Variants in CYLC1 observed in about 807,000 individuals in gnomAD.
CYLC1 encodes cylicin 1, also known as cylicin-1.
A neutral mutation model predicts 31.6 loss-of-function variants in CYLC1; 2 were observed. That is an observed-to-expected ratio of 0.06 (90% CI 0.03 to 0.20). CYLC1 has a LOEUF of 0.20. CYLC1 is among the 10% of genes least tolerant of loss of function. The pLI is 1.00. For synonymous variants in CYLC1, 185 were observed against 153.0 expected, an observed-to-expected ratio of 1.21 and a Z score of -1.54; for missense variants, 595 against 424.1, an observed-to-expected ratio of 1.40 and a Z score of -3.54.
rs1428588429 is a variant in CYLC1, at chrX:83,873,941, T to C, written c.1233T>C (p.Ser411=). 1 of 1,181,872 alleles carries C rather than the reference T, an allele frequency of 8.5e-7. No individual in the cohort carries two copies. The highest frequency in any genetic ancestry group is 1.1e-6 in the Non-Finnish European group (1 of 877,533). Reference sequence around the variant, plus strand: ...TTACATTCTCTACTGATTCTGAATCTGAACTGGAGTCAAAGGAGAGTCAGA... The same window carrying C: ...TTACATTCTCTACTGATTCTGAATCCGAACTGGAGTCAAAGGAGAGTCAGA... ...KKITFSTDSE[S]ELESKESQKD... The change falls in exon 4 of 5, where the codon TCT becomes TCC. Residue 411 remains serine (S), a synonymous_variant. Transcript: ENST00000329312.
chrX:83,864,589 A>G (rs948406032), intron 1 of CYLC1: 2 of 211,128 alleles, frequency 9.5e-6, no homozygotes, highest in African/African-American at 6.2e-5. Flanking sequence ...TTGAATGCAT[A>G]TATATGGTGG....
chrX:83,862,491 A>C (rs753144304), intron 1 of CYLC1, among the ~76,000 whole-genome samples: 4 of 111,225 alleles, frequency 3.6e-5, no homozygotes, highest in South Asian at 3.8e-4. Flanking sequence ...TGCAGTGAGC[A>C]GAGATCGCGC....
At chrX:83,871,955 C>A (rs2031671933) in intron 3 of CYLC1, among the ~76,000 whole-genome samples, 1 of 111,257 alleles carries the variant, frequency 9.0e-6, no homozygotes, top group Non-Finnish European at 1.9e-5. Context: ...AAGTTTTCTA[C>A]TGTTTCTCTA....
At chrX:83,865,134 C>T (rs1363242217) in intron 1 of CYLC1, among the ~76,000 whole-genome samples, 2 of 111,252 alleles carry the variant, frequency 1.8e-5, no homozygotes, top group Non-Finnish European at 3.8e-5. Flanking sequence ...ATAGATATCT[C>T]AAACTTAATA....
intron 2 of CYLC1, among the ~76,000 whole-genome samples, chrX:83,870,260 T>C (rs767410683): frequency 5.4e-5 from 6 of 111,662 alleles, no homozygotes; most frequent in Admixed American, 1.9e-4. Context: ...AAACAGTTAA[T>C]GAACAGCCCA....
In CYLC1 at chrX:83,873,066, G is replaced by C; in HGVS notation, c.358G>C (p.Asp120His). 1 of 1,196,697 alleles carries C rather than the reference G, an allele frequency of 8.4e-7. No homozygotes were observed. The highest frequency in any genetic ancestry group is 1.1e-6 in the Non-Finnish European group (1 of 890,206). ...AAAAGCAGAATATAAAAAGTCCAAA[G>C]ATGAAAAAGGAGGAACACCTTTGAA... ...LKKAEYKKSK[D>H]EKGGTPLKKD... The change falls in exon 4 of 5, where the codon GAT becomes CAT. Residue 120 changes from aspartate to histidine, a missense_variant. Coordinates refer to ENST00000329312, the MANE Select transcript of CYLC1 (RefSeq NM_021118.3).
chrX:83,861,297 C>A, intron 1 of CYLC1, 98 bp downstream of exon 1: 1 of 599,240 alleles, frequency 1.7e-6, no homozygotes, highest in Non-Finnish European at 2.5e-6. Context: ...ATGTTTCTTT[C>A]ATAGTCGTTT....
chrX:83,879,100 GA>G (rs1192964627), intron 4 of CYLC1, among the ~76,000 whole-genome samples: 7 of 110,614 alleles, frequency 6.3e-5, no homozygotes, highest in Non-Finnish European at 1.1e-4. Context: ...TGCTAAGGTA[GA>G]AAAGTAGGGT....
chrX:83,885,642 C>G (rs1386338494), intron 4 of CYLC1, among the ~76,000 whole-genome samples: 5 of 109,047 alleles, frequency 4.6e-5, no homozygotes, highest in Non-Finnish European at 9.5e-5. Flanking sequence ...TAACTTTCCT[C>G]TGGGCCTATA....
chrX:83,866,396 G>T (rs968909744), intron 1 of CYLC1, among the ~76,000 whole-genome samples: 1 of 110,787 alleles, frequency 9.0e-6, no homozygotes, highest in African/African-American at 3.3e-5. Flanking sequence ...TCCACCCCTG[G>T]GCTTTCAGCT....
At chrX:83,884,985 A>T (rs2031962581) in intron 4 of CYLC1, among the ~76,000 whole-genome samples, 1 of 111,635 alleles carries the variant, frequency 9.0e-6, no homozygotes. Flanking sequence ...CTGAGCTATG[A>T]ATCTAATTCC....
chrX:83,879,622 C>T (rs1229173645), intron 4 of CYLC1, among the ~76,000 whole-genome samples: 1 of 111,034 alleles, frequency 9.0e-6, no homozygotes. Flanking sequence ...TTCCCACTTT[C>T]ACCCATCGCT....
rs776585925 is a variant in CYLC1, at chrX:83,874,353, C to T, written c.1645C>T (p.Leu549=). 1.4e-5 allele frequency: 17 copies of T among 1,208,611 alleles called. No individual in the cohort carries two copies. The highest frequency in any genetic ancestry group is 1.8e-5 in the Non-Finnish European group (16 of 893,370). ...KGSDTESEES[L]YKPGAKKKID... ...TTCAGATACTGAATCTGAAGAGTCA[C>T]TATATAAACCTGGGGCTAAGAAGAA... Residue 549 remains leucine (L), a synonymous_variant, in exon 4 of 5, where the codon CTA becomes TTA. Coordinates refer to ENST00000329312, the MANE Select transcript of CYLC1 (RefSeq NM_021118.3).
Position 83,873,017 on chromosome X carries a change from T to C in CYLC1, c.309T>C (p.Leu103=). 8.3e-7 allele frequency: 1 copy of C among 1,205,639 alleles called. No individual in the cohort carries two copies. Among genetic ancestry groups the C allele is most frequent in the South Asian group, 1.8e-5 (1 of 55,937 alleles). Residue 103 remains leucine (L), a synonymous_variant, in exon 4 of 5, where the codon CTT becomes CTC. Transcript: ENST00000329312. ...GGGAACAGACTCCATTCAGACATCT[T>C]TATACTTCCAAAACCCATCTTAAAA... ...AAREQTPFRH[L]YTSKTHLKKA...
In CYLC1 at chrX:83,874,486, A is replaced by G. The variant is rs769781294; in HGVS notation, c.1778A>G (p.Glu593Gly). The G allele has an allele frequency of 8.3e-6, 10 of 1,209,440 alleles. No homozygotes were observed. Among genetic ancestry groups the G allele is most frequent in the East Asian group, 3.0e-5 (1 of 33,735 alleles). Reference protein sequence around the residue: ...SKKTTFNEKGEKASTGRVPPS... With the variant: ...SKKTTFNEKGGKASTGRVPPS... ...AAGACTACATTCAATGAAAAAGGGG[A>G]AAAAGCAAGTACAGGTAGAGTTCCT... Residue 593 changes from glutamate (E) to glycine (G), a missense_variant, in exon 4 of 5, where the codon GAA (glutamate) becomes GGA (glycine). By Grantham distance (98) the Glu-to-Gly change is moderately conservative. Transcript: ENST00000329312.
chrX:83,872,991 A>G lies in CYLC1; in HGVS notation c.283A>G (p.Arg95Gly), dbSNP rs750441560. The change falls in exon 4 of 5, where the codon AGG becomes GGG. Residue 95 changes from arginine (R) to glycine (G), a missense_variant. By Grantham distance (125) the Arg-to-Gly change is moderately radical. Coordinates refer to ENST00000329312, the MANE Select transcript of CYLC1 (RefSeq NM_021118.3). The stretch of plus-strand genomic sequence containing the variant: ...ATGGCCACCCATTTACACAGCTGCC[A>G]GGGAACAGACTCCATTCAGACATCT... ...LQWPPIYTAAREQTPFRHLYT... is the reference protein window; with the variant it reads ...LQWPPIYTAAGEQTPFRHLYT... The G allele has an allele frequency of 2.5e-6, 3 of 1,206,399 alleles. No homozygotes were observed.
chrX:83,868,883 T>C (rs1419495619), intron 1 of CYLC1, among the ~76,000 whole-genome samples: 1 of 110,772 alleles, frequency 9.0e-6, no homozygotes, highest in Non-Finnish European at 1.9e-5. Context: ...ATCCTTTATT[T>C]CCATATAAAA....
At position 83,873,530 on chromosome X, in the gene CYLC1, G is replaced by A. The variant is rs148140928; in HGVS notation, c.822G>A (p.Lys274=). The change falls in exon 4 of 5, where the codon AAG becomes AAA. Residue 274 remains lysine, a synonymous_variant. Coordinates refer to ENST00000329312, the MANE Select transcript of CYLC1 (RefSeq NM_021118.3). ...WLRNYSQNNS[K]NYSLKYTKYT... ...GGAATTACTCACAGAATAATTCAAAGAATTATTCTTTGAAGTATACAAAGT... is the reference window on the plus strand; with the variant it reads ...GGAATTACTCACAGAATAATTCAAAAAATTATTCTTTGAAGTATACAAAGT... The A allele has an allele frequency of 5.8e-6, 7 of 1,198,945 alleles. No homozygotes were observed. The highest frequency in any genetic ancestry group is 7.9e-6 in the Non-Finnish European group (7 of 887,685).
At chrX:83,877,650 G>C (rs954463674) in intron 4 of CYLC1, among the ~76,000 whole-genome samples, 5 of 106,196 alleles carry the variant, frequency 4.7e-5, no homozygotes, top group Non-Finnish European at 5.8e-5. Context: ...TCATTATTTA[G>C]TTTTTCAGCT....
Sources: gnomAD v4.1 joint callset for allele counts (sites outside exome capture counted in the v4.1 genomes callset) on GRCh38, gnomAD v4.1.1 for gene constraint, MANE v1.5 for transcripts, NCBI Gene and HGNC (gene_info 2026-07-23, HGNC 2026-07-21) for gene names.